SLX9: variants seen among roughly 807,000 people sequenced by gnomAD.
SLX9 encodes ribosome biogenesis protein SLX9 homolog.
In SLX9, 19 loss-of-function variants were observed where a neutral mutation model predicts 20.8. The ratio of observed to expected loss-of-function variants is 0.91; its 90% confidence interval spans 0.64 to 1.34. The LOEUF is 1.34. Ranked by LOEUF, SLX9 falls within the 40% of genes most tolerant of loss-of-function variation. SLX9 has a pLI of 0.00. For synonymous variants in SLX9, 113 were observed against 137.1 expected, an observed-to-expected ratio of 0.82 and a Z score of 1.23; for missense variants, 299 against 322.2, an observed-to-expected ratio of 0.93 and a Z score of 0.55.
At chr21:44,969,376 TGCTTGGC>T (rs1191389633) in intron 4 of SLX9, 3 of 379,156 alleles carry the variant, frequency 7.9e-6, no homozygotes, top group Non-Finnish European at 1.7e-5. Flanking sequence ...CTGAAAAATG[TGCTTGGC>T]GCTCCCAGAA....
rs1046238124 is a variant in SLX9, at chr21:44,969,424, A to G, written c.500+2243A>G. The stretch of plus-strand genomic sequence containing the variant: ...AGGGCTGTATCAACACCCAGCCCCC[A>G]GGCCGAGGAGGATGTGCCCCTGCCT... On this transcript the variant is annotated intron_variant, in intron 4 of 5. Coordinates refer to ENST00000291634, the MANE Select transcript of SLX9 (RefSeq NM_058190.4). Among the ~76,000 whole-genome samples, 4 of 152,222 alleles carry G rather than the reference A, an allele frequency of 2.6e-5. No individual in the cohort carries two copies. In the East Asian group the frequency reaches 7.7e-4, roughly 29 times the overall value.
Position 44,945,955 on chromosome 21 carries a change from G to A in SLX9, c.283+2118G>A, listed in dbSNP as rs144306178. Among the ~76,000 whole-genome samples, 69 of 152,050 alleles carry A rather than the reference G, an allele frequency of 4.5e-4. 2 individuals carry two copies. The East Asian group carries it at 0.011, about 24-fold the overall frequency. On this transcript the variant is annotated intron_variant, in intron 2 of 5. Coordinates refer to ENST00000291634, the MANE Select transcript of SLX9 (RefSeq NM_058190.4). ...TCACCCCGTTGGCCGGGATGGTCTC[G>A]ATCTCTTGACCTCAGAGATCTGCCT...
chr21:44,948,227 G>C (rs985372228), intron 2 of SLX9, among the ~76,000 whole-genome samples: 10 of 148,722 alleles, frequency 6.7e-5, no homozygotes, highest in African/African-American at 2.5e-4. Flanking sequence ...GAATCTGGTC[G>C]TGGAGCATCG....
intron 2 of SLX9, among the ~76,000 whole-genome samples, chr21:44,955,374 A>G (rs2084837840): frequency 6.6e-6 from 1 of 152,178 alleles, no homozygotes; most frequent in Admixed American, 6.5e-5. Context: ...CTCCGAGGGA[A>G]AGCTGTGCTT....
At chr21:44,954,688 C>A (rs980100124) in intron 2 of SLX9, among the ~76,000 whole-genome samples, 2 of 152,044 alleles carry the variant, frequency 1.3e-5, no homozygotes, top group African/African-American at 4.8e-5. Context: ...GGTAGTGCCA[C>A]CCCCCAGGCG....
At chr21:44,973,752 G>T (rs986117925) in intron 5 of SLX9, among the ~76,000 whole-genome samples, 4 of 151,716 alleles carry the variant, frequency 2.6e-5, no homozygotes, top group East Asian at 1.9e-4. Flanking sequence ...CCTCCCAGGG[G>T]TTCAGCGGCT....
At chr21:44,950,144 C>T (rs530081182) in intron 2 of SLX9, among the ~76,000 whole-genome samples, 3 of 151,382 alleles carry the variant, frequency 2.0e-5, no homozygotes, top group African/African-American at 7.3e-5. Context: ...AGAAAATGAG[C>T]CTTGCCCCAC....
intron 3 of SLX9, among the ~76,000 whole-genome samples, chr21:44,964,568 C>T (rs932186493): frequency 6.6e-6 from 1 of 152,212 alleles, no homozygotes; most frequent in Non-Finnish European, 1.5e-5. Flanking sequence ...CTCCACCACA[C>T]AGCCTGTGCC....
intron 3 of SLX9, among the ~76,000 whole-genome samples, chr21:44,962,598 T>C (rs1289795376): frequency 6.6e-6 from 1 of 152,230 alleles, no homozygotes; most frequent in African/African-American, 2.4e-5. Context: ...CTTTTTTCCA[T>C]TTTTAGCTAC....
intron 3 of SLX9, among the ~76,000 whole-genome samples, chr21:44,964,768 C>T (rs2085004789): frequency 6.6e-6 from 1 of 152,232 alleles, no homozygotes; most frequent in Non-Finnish European, 1.5e-5. Context: ...TAAAAATTTG[C>T]CAGTCTATGA....
chr21:44,964,411 T>G (rs1315736050), intron 3 of SLX9, among the ~76,000 whole-genome samples: 2 of 152,230 alleles, frequency 1.3e-5, no homozygotes, highest in South Asian at 4.1e-4. Context: ...CTTGCCTTTA[T>G]GAGGACAAGC....
intron 3 of SLX9, among the ~76,000 whole-genome samples, chr21:44,961,647 TATTA>T (rs2084951179): frequency 6.6e-6 from 1 of 152,242 alleles, no homozygotes; most frequent in Non-Finnish European, 1.5e-5. Context: ...GTTGCCTTCT[TATTA>T]AATATTCTGT....
chr21:44,952,875 G>T (rs764861068), intron 2 of SLX9, among the ~76,000 whole-genome samples: 26 of 152,246 alleles, frequency 1.7e-4, no homozygotes, highest in Non-Finnish European at 2.9e-4. Context: ...TCCTGCTGAG[G>T]CCATCTGCAC....
rs887582181 is a variant in SLX9 at position 44,940,031 on chromosome 21, G to A, written c.-27G>A. 2 of 1,406,870 alleles carry A rather than the reference G, an allele frequency of 1.4e-6. No individual in the cohort carries two copies. Among genetic ancestry groups the A allele is most frequent in the Non-Finnish European group, 1.8e-6 (2 of 1,081,786 alleles). 87.1% of individuals were successfully genotyped at this position (1,406,870 alleles called of 1,614,324 possible). ...AGGACCAGCTTCCGGGAGGCGCTCC[G>A]CACGTTTGCCGTGCTCCGCCGGGAA... On this transcript the variant is annotated 5_prime_UTR_variant, in exon 1 of 6. Transcript: ENST00000291634.
intron 2 of SLX9, among the ~76,000 whole-genome samples, chr21:44,946,660 G>A (rs768355362): frequency 1.3e-5 from 2 of 152,238 alleles, no homozygotes; most frequent in Non-Finnish European, 2.9e-5. Flanking sequence ...TGTGGGAGGG[G>A]CGTTCTGAGC....
At chr21:44,941,271 A>G (rs116374482) in intron 1 of SLX9, among the ~76,000 whole-genome samples, 3,742 of 152,308 alleles carry the variant, frequency 0.025, 166 homozygotes, top group African/African-American at 0.086. Flanking sequence ...GCTGGCAGGT[A>G]GGAGCAGGTG....
intron 2 of SLX9, chr21:44,959,169 C>A: frequency 1.0e-6 from 1 of 977,896 alleles, no homozygotes; most frequent in Non-Finnish European, 1.2e-6. Flanking sequence ...AAATGCAGAG[C>A]GCAGCGACTG....
chr21:44,951,721 T>C (rs2084761021), intron 2 of SLX9, among the ~76,000 whole-genome samples: 1 of 152,112 alleles, frequency 6.6e-6, no homozygotes, highest in Non-Finnish European at 1.5e-5. Flanking sequence ...GAGGGCACTG[T>C]GTGGGCACCA....
intron 4 of SLX9, chr21:44,972,933 C>A: frequency 1.1e-5 from 6 of 567,934 alleles, no homozygotes; most frequent in South Asian, 2.1e-5. Flanking sequence ...CCACACGGAG[C>A]AGCTTGGGGC....
Sources: allele counts gnomAD v4.1 joint callset (sites outside exome capture counted in the v4.1 genomes callset), GRCh38; gene constraint gnomAD v4.1.1; transcripts MANE v1.5; gene names NCBI Gene and HGNC (gene_info 2026-07-23, HGNC 2026-07-21).